The following GGTLC2 variants were observed in gnomAD, a reference collection of about 807,000 sequenced individuals.
The protein encoded by GGTLC2 is gamma-glutamyltransferase light chain 2.
GGTLC2 carries 13 observed loss-of-function variants against 20.2 expected under a neutral mutation model. The observed-to-expected ratio is 0.64, with a 90% CI of 0.42 to 1.02. The LOEUF (loss-of-function observed/expected upper bound fraction) is 1.02. Among genes scored for constraint, GGTLC2 ranks in the 50% least tolerant of loss-of-function variants. The pLI, the probability that GGTLC2 is intolerant of heterozygous loss-of-function variation, is 0.00. For synonymous variants in GGTLC2, 89 were observed against 125.5 expected, an observed-to-expected ratio of 0.71 and a Z score of 1.94; for missense variants, 202 against 301.3, an observed-to-expected ratio of 0.67 and a Z score of 2.44.
At chr22:22,644,917 G>C (rs1379586155) in intron 1 of GGTLC2, among the ~76,000 whole-genome samples, 1 of 85,394 alleles carries the variant, frequency 1.2e-5, no homozygotes, top group African/African-American at 5.7e-5. Flanking sequence ...TTGAGATGGA[G>C]TCTCCCTCTG....
chr22:22,647,153 G>C lies in GGTLC2; in HGVS notation c.373G>C (p.Ala125Pro), dbSNP rs778446842. ...VGQDGQPPSH[A>P]DHTPMPQAII... ...CCACCCTGCACAGCCCCCAAGCCAT[G>C]CTGATCACACTCCCATGCCCCAGGC... The change falls in exon 5 of 6, where the codon GCT becomes CCT. Residue 125 changes from alanine (A) to proline (P), a missense_variant. Physicochemically the swap from Ala to Pro is conservative, Grantham distance 27 (BLOSUM62 -1). Around this residue, in one of 4 missense-constraint regions of GGTLC2, gnomAD observed 65 missense variants for 87.5 expected, o/e 0.74. Transcript: ENST00000448514. 2.5e-6 allele frequency: 4 copies of C among 1,611,482 alleles called. No homozygotes were observed. Among genetic ancestry groups the C allele is most frequent in the Non-Finnish European group, 1.7e-6 (2 of 1,179,788 alleles).
chr22:22,645,169 C>T (rs2064014630), intron 1 of GGTLC2, among the ~76,000 whole-genome samples: 1 of 151,680 alleles, frequency 6.6e-6, no homozygotes, highest in Admixed American at 6.6e-5. Flanking sequence ...AGGCCTCGGC[C>T]TCCCAAAGTG....
intron 1 of GGTLC2, among the ~76,000 whole-genome samples, chr22:22,645,090 C>T (rs1038126381): frequency 2.1e-5 from 3 of 140,074 alleles, no homozygotes; most frequent in African/African-American, 8.1e-5. Flanking sequence ...GACGGGGTTT[C>T]ACCGTGTTAG....
intron 1 of GGTLC2, among the ~76,000 whole-genome samples, chr22:22,645,604 T>C (rs2064041606): frequency 6.6e-6 from 1 of 150,766 alleles, no homozygotes; most frequent in Non-Finnish European, 1.5e-5. Context: ...GGCTTTATCC[T>C]TATCCCCGTC....
rs1255789091 is a variant in GGTLC2, at chr22:22,646,878, C to G, written c.301C>G (p.Pro101Ala). 6.2e-7 allele frequency: 1 copy of G among 1,613,204 alleles called. No homozygotes were observed. Residue 101 changes from proline to alanine, a missense_variant, in exon 3 of 6, where the codon CCA becomes GCA. By Grantham distance (27) the Pro-to-Ala change is conservative (BLOSUM62 -1). Around this residue, in one of 4 missense-constraint regions of GGTLC2, gnomAD observed 71 missense variants for 63.0 expected, o/e 1.13. Transcript: ENST00000448514. ...CCCCTCACCTGCCAATTTCATCCAG[C>G]CAGGTATGGGGTGGAGGTCTGGGGA... The part of the protein sequence containing the change: ...VPPSPANFIQ[P>A]GKQPLSSMCP...
At chr22:22,644,970 G>A (rs2063998173) in intron 1 of GGTLC2, among the ~76,000 whole-genome samples, 2 of 111,164 alleles carry the variant, frequency 1.8e-5, no homozygotes, top group South Asian at 3.8e-4. Context: ...TGGGCTCACC[G>A]CAAGCTCCGC....
At position 22,646,516 on chromosome 22, in the gene GGTLC2, C is replaced by T. The variant is rs1352504873; in HGVS notation, c.171C>T (p.Asn57=). The T allele has an allele frequency of 3.8e-6, 6 of 1,562,960 alleles. No individual in the cohort carries two copies. The highest frequency in any genetic ancestry group is 5.2e-6 in the Non-Finnish European group (6 of 1,156,458). ...CTGTGTCCGCCACCAGCACCATCAA[C>T]CTCTAGTAGGGGCTGCTGGGCCGCC... ...GSAVSATSTI[N]LYFGSKVRSP... The change falls in exon 2 of 6, where the codon AAC becomes AAT. Residue 57 remains asparagine (N), a synonymous_variant. Transcript: ENST00000448514.
chr22:22,646,676 G>A (rs562524050), intron 2 of GGTLC2, 78 bp from the exon 3 acceptor site: 3 of 1,573,026 alleles, frequency 1.9e-6, no homozygotes, highest in Non-Finnish European at 2.6e-6. Context: ...CAGTGAGTAT[G>A]TTTGAGCCTC....
chr22:22,645,823 G>GC (rs1446617351), intron 1 of GGTLC2, among the ~76,000 whole-genome samples: 77 of 151,134 alleles, frequency 5.1e-4, no homozygotes, highest in Non-Finnish European at 7.7e-4. Flanking sequence ...CTGCCTCAGG[G>GC]CCTTTGCACT....
intron 1 of GGTLC2, among the ~76,000 whole-genome samples, chr22:22,645,516 G>A (rs1487830455): frequency 1.3e-5 from 2 of 150,728 alleles, no homozygotes; most frequent in African/African-American, 4.9e-5. Context: ...TCGCTAGTCG[G>A]CGCCATCCTT....
At chr22:22,644,776 T>C (rs2063978368) in intron 1 of GGTLC2, 68 bp downstream of exon 1, 1 of 65,598 alleles carries the variant, frequency 1.5e-5, no homozygotes, top group Non-Finnish European at 2.6e-5. Flanking sequence ...GCGGCAGATC[T>C]GCCCGTGGAT....
intron 5 of GGTLC2, 70 bp from the exon 6 acceptor site, chr22:22,647,525 T>A (rs2146261433): frequency 1.9e-6 from 3 of 1,605,450 alleles, no homozygotes; most frequent in Non-Finnish European, 2.6e-6. Context: ...CTGAGGCCTG[T>A]GACCACACAG....
rs1028815794 is a variant in GGTLC2 at position 22,647,445 on chromosome 22, G to A, written c.511-150G>A. ...CTGTGCCATGAGGGCCAAGCCCCCT[G>A]CTCCAGTGAGACCCAGCAGGCCCCA... On this transcript the variant is annotated intron_variant, in intron 5 of 5. Coordinates refer to ENST00000448514, the MANE Select transcript of GGTLC2 (RefSeq NM_199127.3). 11 of 901,562 alleles carry A rather than the reference G, an allele frequency of 1.2e-5. No individual in the cohort carries two copies. The African/African-American group carries it at 1.3e-4, about 11-fold the overall frequency. The allele number at this position is 901,562 out of a possible 1,614,324, so 55.8% of individuals were successfully genotyped here. A position where few individuals can be genotyped will look rare whatever the true frequency, so the allele number is the denominator to read the frequency against.
chr22:22,647,574 C>T (rs1601960140), intron 5 of GGTLC2, 21 bp from the exon 6 acceptor site: 3 of 1,591,798 alleles, frequency 1.9e-6, no homozygotes, highest in East Asian at 2.2e-5. Context: ...GCTCAGGCTT[C>T]CCCTCTCCTC....
At chr22:22,647,346 G>A in intron 5 of GGTLC2, 56 bp downstream of exon 5, 1 of 1,605,898 alleles carries the variant, frequency 6.2e-7, no homozygotes, top group Non-Finnish European at 8.5e-7. Context: ...GGCATCCTGG[G>A]CTGGAGGCCT....
In GGTLC2 at chr22:22,647,599, T is replaced by G. The variant is rs1045334837; in HGVS notation, c.515T>G (p.Val172Gly). ...CCCCTCTCCTCCCACCCCCAGGCAG[T>G]GACTGCAGCCCTGGAGACCCGGCAC... is the stretch of plus-strand genomic sequence containing the variant. ...TTVERNIDQA[V>G]TAALETRHHH... Residue 172 changes from valine (V) to glycine (G), a missense_variant, in exon 6 of 6, where the codon GTG (valine) becomes GGG (glycine). Coordinates refer to ENST00000448514, the MANE Select transcript of GGTLC2 (RefSeq NM_199127.3). 6.3e-7 allele frequency: 1 copy of G among 1,586,450 alleles called. No homozygotes were observed. Among genetic ancestry groups the G allele is most frequent in the African/African-American group, 1.3e-5 (1 of 74,244 alleles).
chr22:22,647,323 T>C, intron 5 of GGTLC2, 33 bp downstream of exon 5: 1 of 1,607,834 alleles, frequency 6.2e-7, no homozygotes. Context: ...TGAGTCACGG[T>C]GTGGGGCCCC....
intron 1 of GGTLC2, among the ~76,000 whole-genome samples, 187 bp downstream of exon 1, chr22:22,644,895 T>TC (rs1211426415): frequency 2.5e-5 from 2 of 80,244 alleles, no homozygotes; most frequent in Non-Finnish European, 4.6e-5. Context: ...TTTTTTTTTT[T>TC]TTTTTTTTTT....
chr22:22,646,922 A>C (rs761932507), intron 3 of GGTLC2, 41 bp downstream of exon 3: 3 of 1,480,392 alleles, frequency 2.0e-6, no homozygotes, highest in East Asian at 2.3e-5. Context: ...TGGGGTGGAG[A>C]GGGGCGGGTG....
Sources: gnomAD v4.1 joint callset for allele counts (sites outside exome capture counted in the v4.1 genomes callset) on GRCh38, gnomAD v4.1.1 for gene constraint, gnomAD v4.1.1 regional missense constraint, MANE v1.5 for transcripts, NCBI Gene and HGNC (gene_info 2026-07-23, HGNC 2026-07-21) for gene names.